MYO18B: variants seen among roughly 807,000 people sequenced by gnomAD.
MYO18B encodes the protein myosin XVIIIB, also known as unconventional myosin-XVIIIb.
In MYO18B, 204 loss-of-function variants were observed where a neutral mutation model predicts 273.0. The observed-to-expected ratio is 0.75, with a 90% CI of 0.67 to 0.84. The LOEUF is 0.84. Among genes scored for constraint, MYO18B ranks in the 40% least tolerant of loss-of-function variants. The probability of loss-of-function intolerance (pLI) is 0.00; values close to 1 mark genes in which losing one functional copy is unlikely to be tolerated. For synonymous variants in MYO18B, 1,330 were observed against 1,305.7 expected (o/e 1.02, Z -0.40); for missense variants, 3,212 against 3,287.6 (o/e 0.98, Z 0.56).
chr22:25,977,607 A>T (rs2093105426), intron 39 of MYO18B, among the ~76,000 whole-genome samples: 1 of 152,180 alleles, frequency 6.6e-6, no homozygotes, highest in South Asian at 2.1e-4. Flanking sequence ...CTAGTAGAGT[A>T]CAGAGCACAT....
At chr22:25,756,381 A>G (rs559908494) in intron 1 of MYO18B, 1 of 152,296 alleles carries the variant, frequency 6.6e-6, no homozygotes, top group Admixed American at 6.5e-5. Context: ...TGCTCCTTGG[A>G]TTTTTGGATC....
rs752053285 is a variant in MYO18B, at chr22:25,780,085, C to G, written c.2098C>G (p.Leu700Val). The change falls in exon 9 of 44, where the codon CTC becomes GTC. Residue 700 changes from leucine (L) to valine (V), a missense_variant. By Grantham distance (32) the Leu-to-Val change is conservative. Coordinates refer to ENST00000335473, the MANE Select transcript of MYO18B (RefSeq NM_032608.7). ...GAAGATCCGAGCCACCTTCACTGTCCTCCGGGCCTTCGGCTCTGTGTCCAT... is the reference window on the plus strand; with the variant it reads ...GAAGATCCGAGCCACCTTCACTGTCGTCCGGGCCTTCGGCTCTGTGTCCAT... ...VEKIRATFTV[L>V]RAFGSVSMAH... The G allele has an allele frequency of 6.3e-7, 1 of 1,597,390 alleles. No homozygotes were observed. The highest frequency in any genetic ancestry group is 2.3e-5 in the East Asian group (1 of 44,150).
rs61116661 is a variant in MYO18B, at chr22:25,987,438, A to AT, written c.6157-4924dup. Among the ~76,000 whole-genome samples, 751 of 152,244 alleles carry AT rather than the reference A, an allele frequency of 4.9e-3. 10 individuals are homozygous for AT. Among genetic ancestry groups the AT allele is most frequent in the African/African-American group, 0.017 (712 of 41,536 alleles). On this transcript the variant is annotated intron_variant, in intron 39 of 43. Transcript: ENST00000335473. ...AGTATGCATATTATCTACATTCTAC[A>AT]TATTATTGTACTGATCTCTGTATAC... is the stretch of plus-strand genomic sequence containing the variant.
chr22:26,026,799 G>T lies in MYO18B; in HGVS notation c.6825G>T (p.Trp2275Cys). Residue 2275 changes from tryptophan (W) to cysteine (C), a missense_variant, in exon 43 of 44, where the codon TGG (tryptophan) becomes TGT (cysteine). Physicochemically the swap from Trp to Cys is radical, Grantham distance 215. Transcript: ENST00000335473. The stretch of plus-strand genomic sequence containing the variant: ...GGTCCACGCTGGGCCTAGAGGACTG[G>T]CCCACTCTCCCCATTTACCAGACGA... Reference protein sequence around the residue: ...GQGSTLGLEDWPTLPIYQTTG... With the variant: ...GQGSTLGLEDCPTLPIYQTTG... The T allele has an allele frequency of 6.3e-7, 1 of 1,599,274 alleles. No homozygotes were observed. Among genetic ancestry groups the T allele is most frequent in the Non-Finnish European group, 8.5e-7 (1 of 1,173,272 alleles).
chr22:25,794,356 G>A (rs1421414535), intron 11 of MYO18B, among the ~76,000 whole-genome samples: 1 of 151,720 alleles, frequency 6.6e-6, no homozygotes, highest in Non-Finnish European at 1.5e-5. Context: ...ACAGGCTCAT[G>A]CCACCATGCC....
intron 16 of MYO18B, among the ~76,000 whole-genome samples, chr22:25,833,331 C>T (rs2089781970): frequency 6.6e-6 from 1 of 152,198 alleles, no homozygotes; most frequent in Non-Finnish European, 1.5e-5. Flanking sequence ...GGCCACCAGC[C>T]ACTCTGGCCT....
At chr22:25,970,609 C>A (rs999480451) in intron 39 of MYO18B, among the ~76,000 whole-genome samples, 13 of 152,134 alleles carry the variant, frequency 8.5e-5, no homozygotes, top group African/African-American at 3.1e-4. Context: ...CTCATCTCCC[C>A]CTCTCAAAGT....
At chr22:25,858,381 C>T (rs993203585) in intron 21 of MYO18B, among the ~76,000 whole-genome samples, 7 of 152,274 alleles carry the variant, frequency 4.6e-5, no homozygotes, top group Admixed American at 2.0e-4. Context: ...GCTATATGGA[C>T]GGCAGCCAAA....
chr22:25,984,531 T>C (rs1004815852), intron 39 of MYO18B, among the ~76,000 whole-genome samples: 3 of 152,202 alleles, frequency 2.0e-5, no homozygotes, highest in African/African-American at 7.2e-5. Flanking sequence ...GGCTCATGCC[T>C]GTAATCCCAG....
At chr22:26,032,659 T>C (rs1233538648), downstream of MYO18B, among the ~76,000 whole-genome samples, 3 of 151,842 alleles carry the variant, frequency 2.0e-5, no homozygotes, top group African/African-American at 7.3e-5. Context: ...GTAGCTGGGA[T>C]TACAGACATG....
intron 34 of MYO18B, among the ~76,000 whole-genome samples, chr22:25,940,850 A>T (rs1410757605): frequency 6.6e-6 from 1 of 152,232 alleles, no homozygotes; most frequent in African/African-American, 2.4e-5. Flanking sequence ...CTGTAACTAC[A>T]GTATGGGGAG....
In MYO18B at chr22:25,828,836, C is replaced by A. The variant is rs1249303413; in HGVS notation, c.2847C>A (p.Phe949Leu). ...TCATGGTGGTGGACTCTCCAGGCTT[C>A]CAGAACCCCCGGCACCAGGGCAAGG... Reference protein sequence around the residue: ...ASIMVVDSPGFQNPRHQGKDR... With the variant: ...ASIMVVDSPGLQNPRHQGKDR... Residue 949 changes from phenylalanine (F) to leucine (L), a missense_variant, in exon 15 of 44, where the codon TTC becomes TTA. Coordinates refer to ENST00000335473, the MANE Select transcript of MYO18B (RefSeq NM_032608.7). The A allele has an allele frequency of 1.2e-6, 2 of 1,613,984 alleles. No homozygotes were observed.
intron 40 of MYO18B, among the ~76,000 whole-genome samples, chr22:25,997,470 G>A (rs904547485): frequency 1.3e-5 from 2 of 152,098 alleles, no homozygotes; most frequent in Non-Finnish European, 2.9e-5. Flanking sequence ...TGACCCCAGG[G>A]TGGTTCTTAG....
At position 25,985,254 on chromosome 22, in the gene MYO18B, G is replaced by A. The variant is rs5997011; in HGVS notation, c.6157-7109G>A. On this transcript the variant is annotated intron_variant, in intron 39 of 43. Transcript: ENST00000335473. Reference sequence around the variant, plus strand: ...CAGGTGCCTGTAATCCCAGCTGTTTGGGGGGCTGAGGCAGGAGAATTGCTT... The same window carrying A: ...CAGGTGCCTGTAATCCCAGCTGTTTAGGGGGCTGAGGCAGGAGAATTGCTT... Among the ~76,000 whole-genome samples the A allele has an allele frequency of 2.6e-4, 40 of 152,228 alleles. 2 individuals are homozygous for A. The highest frequency in any genetic ancestry group is 8.2e-4 in the African/African-American group (34 of 41,536).
At chr22:25,961,584 A>G (rs2146682925) in intron 39 of MYO18B, among the ~76,000 whole-genome samples, 1 of 152,318 alleles carries the variant, frequency 6.6e-6, no homozygotes, top group South Asian at 2.1e-4. Context: ...CATTACAGCG[A>G]TGAAGCAACT....
chr22:25,972,765 G>A (rs974294472), intron 39 of MYO18B, among the ~76,000 whole-genome samples: 2 of 152,146 alleles, frequency 1.3e-5, no homozygotes, highest in Non-Finnish European at 2.9e-5. Context: ...AGACCAGCCT[G>A]GCCAACATGG....
At chr22:25,932,013 A>G (rs1471857364) in intron 34 of MYO18B, among the ~76,000 whole-genome samples, 4 of 152,134 alleles carry the variant, frequency 2.6e-5, no homozygotes, top group Non-Finnish European at 5.9e-5. Flanking sequence ...CTGGGATTAC[A>G]GGCTTGAGCC....
rs970834938 is a variant in MYO18B at position 26,027,786 on chromosome 22, C to A, written c.*12+96C>A. 7.6e-7 allele frequency: 1 copy of A among 1,317,166 alleles called. No homozygotes were observed. The highest frequency in any genetic ancestry group is 1.6e-5 in the South Asian group (1 of 63,916). 81.6% of individuals were successfully genotyped at this position (1,317,166 alleles called of 1,614,324 possible). On this transcript the variant is annotated intron_variant, in intron 43 of 43. Transcript: ENST00000335473. This position sits in a 1 kb window ranked among gnomAD's most constrained non-coding sequence, Gnocchi z 4.1. ...GCCACTACTGTCCTTAATGCCACAA[C>A]CGATTTCTCTAGAGACCAAGATTTT... is the stretch of plus-strand genomic sequence containing the variant.
intron 39 of MYO18B, among the ~76,000 whole-genome samples, chr22:25,983,063 G>A (rs1406775556): frequency 1.3e-5 from 2 of 152,168 alleles, no homozygotes; most frequent in Non-Finnish European, 2.9e-5. Context: ...ACTTGATTCT[G>A]CAGCCTTGAA....
Sources: allele counts gnomAD v4.1 joint callset (sites outside exome capture counted in the v4.1 genomes callset), GRCh38; gene constraint gnomAD v4.1.1; non-coding constraint Gnocchi (gnomAD v3.1); transcripts MANE v1.5; gene names NCBI Gene and HGNC (gene_info 2026-07-23, HGNC 2026-07-21).